Variants in PDLIM5 observed in about 807,000 individuals in gnomAD.
PDLIM5 encodes PDZ and LIM domain 5.
A neutral mutation model predicts 64.2 loss-of-function variants in PDLIM5; 34 were observed. The observed-to-expected ratio is 0.53, with a 90% CI of 0.40 to 0.71. The LOEUF (loss-of-function observed/expected upper bound fraction) is 0.71, where lower values mean the gene tolerates loss of function less well. Among genes scored for constraint, PDLIM5 ranks in the 30% least tolerant of loss-of-function variants. The pLI, the probability that PDLIM5 is intolerant of heterozygous loss-of-function variation, is 0.00. For missense variants in PDLIM5, 683 were observed against 733.6 expected, an observed-to-expected ratio of 0.93 and a Z score of 0.80; for synonymous variants, 253 against 269.1, an observed-to-expected ratio of 0.94 and a Z score of 0.59.
At chr4:94,565,357 A>G (rs1734227356) in intron 3 of PDLIM5, among the ~76,000 whole-genome samples, 1 of 152,238 alleles carries the variant, frequency 6.6e-6, no homozygotes, top group African/African-American at 2.4e-5. Flanking sequence ...ATGTGTAGTC[A>G]AAACAAAATT....
In PDLIM5 at chr4:94,469,240, C is replaced by CA. The variant is rs200813961; in HGVS notation, c.96+13864dup. ...GTAAGGGGGAATGGTAACTCACACACAAAAAAAACAAAAAACATAAGCAAT... is the reference window on the plus strand; with the variant it reads ...GTAAGGGGGAATGGTAACTCACACACAAAAAAAAACAAAAAACATAAGCAAT... On this transcript the variant is annotated intron_variant, in intron 2 of 12. Coordinates refer to ENST00000317968, the MANE Select transcript of PDLIM5 (RefSeq NM_006457.5). Among the ~76,000 whole-genome samples, 58 of 150,998 alleles carry CA rather than the reference C, an allele frequency of 3.8e-4. No individual in the cohort carries two copies. In the East Asian group the frequency reaches 9.9e-3, roughly 26 times the overall value.
chr4:94,511,473 A>G (rs1728866426), intron 2 of PDLIM5, among the ~76,000 whole-genome samples: 2 of 152,136 alleles, frequency 1.3e-5, no homozygotes, highest in African/African-American at 4.8e-5. Flanking sequence ...CAAACAATCC[A>G]ATAACACTCT....
chr4:94,493,810 A>G (rs1727085588), intron 2 of PDLIM5, among the ~76,000 whole-genome samples: 2 of 152,180 alleles, frequency 1.3e-5, no homozygotes, highest in Non-Finnish European at 2.9e-5. Flanking sequence ...AAATGTTTAG[A>G]AGTGTACATT....
intron 2 of PDLIM5, among the ~76,000 whole-genome samples, chr4:94,522,111 GC>G (rs995111784): frequency 2.0e-5 from 3 of 152,218 alleles, no homozygotes; most frequent in African/African-American, 7.2e-5. Flanking sequence ...TCTAGTGCAG[GC>G]CCTGCATTTC....
Position 94,581,750 on chromosome 4 carries a change from G to A in PDLIM5, c.711-3815G>A, listed in dbSNP as rs144421239. Among the ~76,000 whole-genome samples the A allele has an allele frequency of 4.3e-3, 650 of 152,174 alleles. 1 individual carries two copies. The highest frequency in any genetic ancestry group is 0.015 in the African/African-American group (604 of 41,516). On this transcript the variant is annotated intron_variant, in intron 5 of 12. Coordinates refer to ENST00000317968, the MANE Select transcript of PDLIM5 (RefSeq NM_006457.5). ...GAATAATGCTACAGTGTGTTCTTTG[G>A]CAAACTATACAGTTTATACTTTAGT... is the stretch of plus-strand genomic sequence containing the variant.
chr4:94,518,833 G>A (rs1421706271), intron 2 of PDLIM5, among the ~76,000 whole-genome samples: 2 of 152,064 alleles, frequency 1.3e-5, no homozygotes, highest in African/African-American at 4.8e-5. Context: ...TTTCCTCATG[G>A]TCTTGGTTCC....
At chr4:94,490,706 G>T (rs2433318) in intron 2 of PDLIM5, among the ~76,000 whole-genome samples, 28,388 of 152,106 alleles carry the variant, frequency 0.19, 3,180 homozygotes, top group Non-Finnish European at 0.25. Flanking sequence ...AAAAATTGTT[G>T]TGGCTCCTCT....
At chr4:94,509,921 C>G (rs1728720185) in intron 2 of PDLIM5, among the ~76,000 whole-genome samples, 1 of 152,184 alleles carries the variant, frequency 6.6e-6, no homozygotes, top group Non-Finnish European at 1.5e-5. Context: ...TGTCAACACC[C>G]TCACAGACAC....
intron 2 of PDLIM5, among the ~76,000 whole-genome samples, chr4:94,462,698 A>T (rs1233642583): frequency 6.6e-6 from 1 of 152,192 alleles, no homozygotes; most frequent in Non-Finnish European, 1.5e-5. Flanking sequence ...GGAATTGATG[A>T]GTCAGAGGGT....
intron 2 of PDLIM5, among the ~76,000 whole-genome samples, chr4:94,468,226 C>T (rs1724546816): frequency 6.6e-6 from 1 of 152,070 alleles, no homozygotes. Flanking sequence ...AATCAGAGCT[C>T]CATGCAGCCT....
In PDLIM5 at chr4:94,654,719, T is replaced by A. The variant is rs981503928; in HGVS notation, c.1464+79T>A. 3.3e-6 allele frequency: 3 copies of A among 901,918 alleles called. No homozygotes were observed. The South Asian group carries it at 4.9e-5, about 15-fold the overall frequency. 55.9% of individuals were successfully genotyped at this position (901,918 alleles called of 1,614,324 possible). The stretch of plus-strand genomic sequence containing the variant: ...TTGATATGAAAGTCTTCTATCACTT[T>A]AACTTTTTATTTTCTTCTTGCTTTA... On this transcript the variant is annotated intron_variant, in intron 10 of 12. Coordinates refer to ENST00000317968, the MANE Select transcript of PDLIM5 (RefSeq NM_006457.5).
At chr4:94,461,472 TTAAC>T (rs1190463067) in intron 2 of PDLIM5, among the ~76,000 whole-genome samples, 1 of 152,160 alleles carries the variant, frequency 6.6e-6, no homozygotes, top group African/African-American at 2.4e-5. Context: ...GGTTCCTTAA[TTAAC>T]AGAGAGGGAA....
intron 8 of PDLIM5, among the ~76,000 whole-genome samples, chr4:94,639,787 C>T (rs138914370): frequency 3.0e-4 from 46 of 152,160 alleles, no homozygotes; most frequent in Non-Finnish European, 4.6e-4. Flanking sequence ...CATGTCTTCT[C>T]GTAGAAGCAG....
intron 2 of PDLIM5, among the ~76,000 whole-genome samples, chr4:94,472,369 G>A (rs1361167032): frequency 6.6e-6 from 1 of 152,180 alleles, no homozygotes; most frequent in Non-Finnish European, 1.5e-5. Context: ...TCTTTCCACA[G>A]TGATTGCCAT....
Position 94,633,622 on chromosome 4 carries a change from A to AT in PDLIM5, c.1109-6648dup, listed in dbSNP as rs540400239. 2.6e-4 allele frequency among the ~76,000 whole-genome samples: 40 copies of AT among 152,230 alleles called. No homozygotes were observed. The South Asian group carries it at 7.5e-3, about 28-fold the overall frequency. On this transcript the variant is annotated intron_variant, in intron 8 of 12. Coordinates refer to ENST00000317968, the MANE Select transcript of PDLIM5 (RefSeq NM_006457.5). ...AGACAATAATTCTGGTGCAGGAGTCATTTTTTCTCTGAATAAGGACTTACT... is the reference window on the plus strand; with the variant it reads ...AGACAATAATTCTGGTGCAGGAGTCATTTTTTTCTCTGAATAAGGACTTACT...
At chr4:94,495,361 T>A (rs1727291063) in intron 2 of PDLIM5, among the ~76,000 whole-genome samples, 1 of 152,198 alleles carries the variant, frequency 6.6e-6, no homozygotes, top group Non-Finnish European at 1.5e-5. Context: ...AGCATGGTAT[T>A]TTACTGTTTA....
At chr4:94,467,547 C>T (rs1032704868) in intron 2 of PDLIM5, among the ~76,000 whole-genome samples, 5 of 151,996 alleles carry the variant, frequency 3.3e-5, no homozygotes, top group Non-Finnish European at 5.9e-5. Context: ...CTCCTGACCT[C>T]GTGATCCACC....
chr4:94,553,266 G>T (rs1314731317), intron 3 of PDLIM5, among the ~76,000 whole-genome samples: 1 of 151,944 alleles, frequency 6.6e-6, no homozygotes, highest in Non-Finnish European at 1.5e-5. Flanking sequence ...ATGCCAGAAT[G>T]CCCGGCTGAT....
intron 2 of PDLIM5, among the ~76,000 whole-genome samples, chr4:94,522,296 A>G (rs974890762): frequency 3.3e-5 from 5 of 152,334 alleles, no homozygotes; most frequent in African/African-American, 1.2e-4. Context: ...TTTTCTTTAA[A>G]TGTTTTCTAA....
Sources: allele counts gnomAD v4.1 joint callset (sites outside exome capture counted in the v4.1 genomes callset), GRCh38; gene constraint gnomAD v4.1.1; transcripts MANE v1.5; gene names NCBI Gene and HGNC (gene_info 2026-07-23, HGNC 2026-07-21).